The following KANSL3 variants were observed in gnomAD, a reference collection of about 807,000 sequenced individuals.
KANSL3 encodes NSL complex protein NSL3.
Under a neutral mutation model 89.2 loss-of-function variants are expected in KANSL3, and 16 were observed. The observed-to-expected ratio is 0.18, with a 90% CI of 0.12 to 0.27. The LOEUF is 0.27. Ranked by LOEUF, KANSL3 falls within the 10% of genes least tolerant of loss-of-function variation. The pLI, the probability that KANSL3 is intolerant of heterozygous loss-of-function variation, is 1.00. For synonymous variants in KANSL3, 385 were observed against 419.7 expected, an observed-to-expected ratio of 0.92 and a Z score of 1.01; for missense variants, 879 against 1,110.6, an observed-to-expected ratio of 0.79 and a Z score of 2.96.
At position 96,593,527 on chromosome 2, in the gene KANSL3, T is replaced by A. The variant is rs1198387585; in HGVS notation, c.*2084A>T. On this transcript the variant is annotated 3_prime_UTR_variant, in exon 21 of 21. Coordinates refer to ENST00000431828, the MANE Select transcript of KANSL3 (RefSeq NM_001115016.3). Reference sequence around the variant, plus strand: ...GTGACTCTAGGCCTCAGCCACTTCCTCTGTTACCCTGTGCAAGTTGTAGAA... The same window carrying A: ...GTGACTCTAGGCCTCAGCCACTTCCACTGTTACCCTGTGCAAGTTGTAGAA... 4 of 352,142 alleles carry A rather than the reference T, an allele frequency of 1.1e-5. No homozygotes were observed. Among genetic ancestry groups the A allele is most frequent in the Non-Finnish European group, 1.1e-5 (2 of 178,556 alleles). The allele number at this position is 352,142 out of a possible 1,614,324, so 21.8% of individuals were successfully genotyped here.
rs2067216076 is a variant in KANSL3, at chr2:96,601,751, A to G, written c.2508T>C (p.Thr836=). 1 of 1,584,724 alleles carries G rather than the reference A, an allele frequency of 6.3e-7. No individual in the cohort carries two copies. Among genetic ancestry groups the G allele is most frequent in the Admixed American group, 1.9e-5 (1 of 52,756 alleles). Residue 836 remains threonine (T), a synonymous_variant, in exon 20 of 21, where the codon ACT becomes ACC. Coordinates refer to ENST00000431828, the MANE Select transcript of KANSL3 (RefSeq NM_001115016.3). ...ASGLKVPTTI[T]LTLRGQPSRI... ...TGCTCGGCTGGCCACGAAGTGTCAG[A>G]GTAATGGTGGTGGGGACCTTCAAGC...
chr2:96,620,130 A>T (rs1001148828), intron 3 of KANSL3, among the ~76,000 whole-genome samples: 1 of 152,224 alleles, frequency 6.6e-6, no homozygotes, highest in African/African-American at 2.4e-5. Flanking sequence ...CAGACGACAT[A>T]TTTGAATTTC....
intron 3 of KANSL3, chr2:96,628,551 G>T (rs764912691): frequency 2.4e-5 from 4 of 165,120 alleles, no homozygotes; most frequent in Admixed American, 5.6e-5. Context: ...GGAGGTTAAG[G>T]TTCCCACCCG....
At position 96,601,668 on chromosome 2, in the gene KANSL3, G is replaced by T; in HGVS notation, c.2591C>A (p.Ser864Tyr). Residue 864 changes from serine (S) to tyrosine (Y), a missense_variant, in exon 20 of 21, where the codon TCC becomes TAC. Around this residue, in one of 6 missense-constraint regions of KANSL3, gnomAD observed 61 missense variants for 61.7 expected, o/e 0.99. Transcript: ENST00000431828. ...CTGTGAGCTGGAGGGCAGCACCTGG[G>T]AAGAGGACTCCTCGGATGGGGCTGC... is the stretch of plus-strand genomic sequence containing the variant. ...SGAAPSEESSSQVLPSSSQRL... is the reference protein window; with the variant it reads ...SGAAPSEESSYQVLPSSSQRL... The T allele has an allele frequency of 6.2e-7, 1 of 1,613,634 alleles. No individual in the cohort carries two copies. Among genetic ancestry groups the T allele is most frequent in the Non-Finnish European group, 8.5e-7 (1 of 1,179,732 alleles).
intron 11 of KANSL3, 48 bp downstream of exon 11, chr2:96,610,678 C>G (rs761137843): frequency 1.2e-5 from 20 of 1,604,068 alleles, no homozygotes; most frequent in Middle Eastern, 2.0e-4. Flanking sequence ...AGGCTTATCT[C>G]TAACACTGTA....
the KANSL3 span, among the ~76,000 whole-genome samples, chr2:96,584,000 T>C: frequency 1.3e-5 from 2 of 152,268 alleles, no homozygotes. Flanking sequence ...CATTGGCTAC[T>C]TGGATATCTT....
At chr2:96,612,201 C>A in intron 9 of KANSL3, 81 bp downstream of exon 9, 1 of 963,820 alleles carries the variant, frequency 1.0e-6, no homozygotes, top group Non-Finnish European at 1.7e-6. Flanking sequence ...GAGCCTGACA[C>A]ACAGTAAAGG....
chr2:96,596,290 G>A (rs1397889434), intron 20 of KANSL3, among the ~76,000 whole-genome samples: 1 of 152,244 alleles, frequency 6.6e-6, no homozygotes, highest in African/African-American at 2.4e-5. Context: ...AGGCGAGGTG[G>A]CTCATGCCTA....
At chr2:96,583,174 T>A in the KANSL3 span, among the ~76,000 whole-genome samples, 1 of 152,204 alleles carries the variant, frequency 6.6e-6, no homozygotes, top group African/African-American at 2.4e-5. Context: ...TTTTACTCTA[T>A]CTAAGTGTCA....
chr2:96,615,427 A>C, intron 5 of KANSL3: 1 of 865,654 alleles, frequency 1.2e-6, no homozygotes, highest in Non-Finnish European at 1.6e-6. Flanking sequence ...TCTGTTTTTT[A>C]CTATCTACCA....
chr2:96,618,400 G>A (rs1338576366), intron 5 of KANSL3, among the ~76,000 whole-genome samples: 1 of 152,130 alleles, frequency 6.6e-6, no homozygotes, highest in East Asian at 1.9e-4. Context: ...ATGTTGCTCA[G>A]GCTGGTCTCA....
intron 3 of KANSL3, among the ~76,000 whole-genome samples, chr2:96,629,724 A>ACACAAGCACACCTGTT (rs1173227489): frequency 1.3e-5 from 2 of 152,178 alleles, no homozygotes; most frequent in African/African-American, 4.8e-5. Flanking sequence ...TGTTTTGATC[A>ACACAAGCACACCTGTT]CACAAGCACA....
intron 14 of KANSL3, chr2:96,607,113 T>A: frequency 4.8e-6 from 5 of 1,037,074 alleles, no homozygotes; most frequent in Admixed American, 5.0e-5. Context: ...AGAGAGGGAA[T>A]AAGAAAAAAG....
intron 17 of KANSL3, chr2:96,603,411 C>T (rs1558664934): frequency 6.5e-6 from 1 of 152,832 alleles, no homozygotes; most frequent in Non-Finnish European, 1.5e-5. Flanking sequence ...GCCTACCAAG[C>T]AGCTGGGATT....
At chr2:96,602,933 T>C in intron 17 of KANSL3, 71 bp from the exon 18 acceptor site, 1 of 1,416,754 alleles carries the variant, frequency 7.1e-7, no homozygotes, top group Non-Finnish European at 9.9e-7. Context: ...GCCACATCCA[T>C]CCACCCTCAC....
At chr2:96,611,183 G>T in intron 9 of KANSL3, 45 bp from the exon 10 acceptor site, 2 of 1,541,356 alleles carry the variant, frequency 1.3e-6, no homozygotes, top group South Asian at 1.1e-5. Flanking sequence ...CTGAGTTCAT[G>T]GCACCTCAGC....
At chr2:96,591,377 ATCTTTGT>A (rs1207993755), downstream of KANSL3, among the ~76,000 whole-genome samples, 1 of 152,110 alleles carries the variant, frequency 6.6e-6, no homozygotes, top group Non-Finnish European at 1.5e-5. Flanking sequence ...CATGAGGGAG[ATCTTTGT>A]GCTGATGGAA....
At chr2:96,605,207 G>C in intron 15 of KANSL3, 113 bp downstream of exon 15, 1 of 914,152 alleles carries the variant, frequency 1.1e-6, no homozygotes, top group Non-Finnish European at 1.6e-6. Context: ...TCTTTGCTCC[G>C]GGCATCTCTC....
At chr2:96,602,404 GC>G in intron 18 of KANSL3, 66 bp from the exon 19 acceptor site, 2 of 1,189,768 alleles carry the variant, frequency 1.7e-6, no homozygotes, top group Non-Finnish European at 2.4e-6. Flanking sequence ...AGCTTGGAGG[GC>G]CCACAGCATA....
Sources: allele counts gnomAD v4.1 joint callset (sites outside exome capture counted in the v4.1 genomes callset), GRCh38; gene constraint gnomAD v4.1.1; regional missense constraint gnomAD v4.1.1; transcripts MANE v1.5; gene names NCBI Gene and HGNC (gene_info 2026-07-23, HGNC 2026-07-21).